CACNB2: variants seen among roughly 807,000 people sequenced by gnomAD.
CACNB2 encodes calcium voltage-gated channel auxiliary subunit beta 2, also known as voltage-dependent L-type calcium channel subunit beta-2.
A neutral mutation model predicts 73.3 loss-of-function variants in CACNB2; 42 were observed. That is an observed-to-expected ratio of 0.57 (90% confidence interval 0.45 to 0.74). CACNB2 has a LOEUF of 0.74. Ranked by LOEUF, CACNB2 falls within the 30% of genes least tolerant of loss-of-function variation. The pLI, the probability that CACNB2 is intolerant of heterozygous loss-of-function variation, is 0.00. For missense variants in CACNB2, 940 were observed against 853.0 expected, an observed-to-expected ratio of 1.10 and a Z score of -1.27; for synonymous variants, 348 against 310.3, an observed-to-expected ratio of 1.12 and a Z score of -1.28.
At chr10:18,292,961 TGTA>T (rs1234484465) in intron 2 of CACNB2, among the ~76,000 whole-genome samples, 1 of 152,154 alleles carries the variant, frequency 6.6e-6, no homozygotes, top group Non-Finnish European at 1.5e-5. Context: ...TTGGCAATAA[TGTA>T]GGAAAAATAA....
chr10:18,417,220 C>G (rs1445660769), intron 3 of CACNB2, among the ~76,000 whole-genome samples: 1 of 151,044 alleles, frequency 6.6e-6, no homozygotes, highest in African/African-American at 2.4e-5. Flanking sequence ...GCTGTTGAGT[C>G]TGGATAGAGT....
At chr10:18,173,182 A>C (rs1588617061) in intron 2 of CACNB2, among the ~76,000 whole-genome samples, 1 of 152,182 alleles carries the variant, frequency 6.6e-6, no homozygotes, top group African/African-American at 2.4e-5. Flanking sequence ...AGCCTGCCAA[A>C]GTGCTGGGAT....
intron 10 of CACNB2, among the ~76,000 whole-genome samples, chr10:18,530,940 C>T (rs4747350): frequency 3.6e-4 from 55 of 152,082 alleles, no homozygotes; most frequent in African/African-American, 1.3e-3. Flanking sequence ...GCAGTGGGAA[C>T]AGAGAGGCAG....
chr10:18,520,204 T>C (rs2051714765), intron 9 of CACNB2: 1 of 154,000 alleles, frequency 6.5e-6, no homozygotes, highest in Admixed American at 6.5e-5. Flanking sequence ...AATGGACTTT[T>C]CAAATGTAAC....
intron 7 of CACNB2, among the ~76,000 whole-genome samples, chr10:18,514,725 T>C (rs1402132123): frequency 6.6e-6 from 1 of 152,236 alleles, no homozygotes; most frequent in Non-Finnish European, 1.5e-5. Flanking sequence ...TTATCCTTTT[T>C]GATGGAATAA....
intron 2 of CACNB2, among the ~76,000 whole-genome samples, chr10:18,278,346 A>T (rs117090315): frequency 6.6e-6 from 1 of 151,974 alleles, no homozygotes; most frequent in Non-Finnish European, 1.5e-5. Context: ...GTGAGTAATA[A>T]GGAACTGGCT....
chr10:18,295,426 G>T (rs1699233462), intron 2 of CACNB2, among the ~76,000 whole-genome samples: 1 of 152,252 alleles, frequency 6.6e-6, no homozygotes, highest in African/African-American at 2.4e-5. Flanking sequence ...AAAAATAATG[G>T]ACTCCACTTA....
chr10:18,526,441 C>T (rs1370932745), intron 9 of CACNB2, among the ~76,000 whole-genome samples: 1 of 152,220 alleles, frequency 6.6e-6, no homozygotes, highest in African/African-American at 2.4e-5. Flanking sequence ...GAACTGTCAC[C>T]TGGCTATTTG....
At chr10:18,369,663 T>G (rs2042496158) in intron 2 of CACNB2, among the ~76,000 whole-genome samples, 2 of 152,126 alleles carry the variant, frequency 1.3e-5, no homozygotes, top group Admixed American at 1.3e-4. Context: ...TCCCAGCACT[T>G]TGGGAGGCCC....
At chr10:18,385,203 A>T (rs1458292836) in intron 2 of CACNB2, among the ~76,000 whole-genome samples, 1 of 151,826 alleles carries the variant, frequency 6.6e-6, no homozygotes, top group East Asian at 1.9e-4. Flanking sequence ...GAATCATTTG[A>T]ACCCGGGAGG....
chr10:18,345,689 A>G (rs2041421346), intron 2 of CACNB2, among the ~76,000 whole-genome samples: 1 of 152,218 alleles, frequency 6.6e-6, no homozygotes, highest in Non-Finnish European at 1.5e-5. Flanking sequence ...TGTCTTTCAT[A>G]TAAATTTATC....
intron 3 of CACNB2, among the ~76,000 whole-genome samples, chr10:18,431,427 A>G (rs1013651902): frequency 6.6e-6 from 1 of 152,056 alleles, no homozygotes; most frequent in Non-Finnish European, 1.5e-5. Context: ...ATAAATATGT[A>G]AAAATCTATT....
chr10:18,271,583 A>G (rs1011654309), intron 2 of CACNB2, among the ~76,000 whole-genome samples: 9 of 152,182 alleles, frequency 5.9e-5, no homozygotes, highest in Non-Finnish European at 1.0e-4. Flanking sequence ...TATCATATAT[A>G]AAACAAGCAG....
At position 18,211,914 on chromosome 10, in the gene CACNB2, G is replaced by A. The variant is rs186771367; in HGVS notation, c.213+60939G>A. Among the ~76,000 whole-genome samples the A allele has an allele frequency of 4.9e-3, 740 of 151,896 alleles. 8 individuals are homozygous for A. The highest frequency in any genetic ancestry group is 7.6e-3 in the Non-Finnish European group (516 of 67,968). On this transcript the variant is annotated intron_variant, in intron 2 of 13. Transcript: ENST00000324631. ...ACAATGACATTATAAATATGCAGGT[G>A]CATTAGTTCTGGTACAAACGTGCAG... is the stretch of plus-strand genomic sequence containing the variant.
intron 2 of CACNB2, among the ~76,000 whole-genome samples, chr10:18,166,522 G>A (rs968844151): frequency 6.6e-6 from 1 of 152,128 alleles, no homozygotes; most frequent in African/African-American, 2.4e-5. Context: ...CACCGCACCT[G>A]GCCAAGTTTT....
intron 2 of CACNB2, among the ~76,000 whole-genome samples, chr10:18,180,717 A>T (rs897837885): frequency 6.6e-6 from 1 of 152,172 alleles, no homozygotes; most frequent in Non-Finnish European, 1.5e-5. Context: ...CTGTAATCCT[A>T]GCACTTTGGG....
chr10:18,258,921 G>A (rs2037403239), intron 2 of CACNB2, among the ~76,000 whole-genome samples: 1 of 150,932 alleles, frequency 6.6e-6, no homozygotes, highest in South Asian at 2.1e-4. Flanking sequence ...TGTACTTCAA[G>A]AGCCAATTTA....
At chr10:18,295,022 C>G (rs2039220864) in intron 2 of CACNB2, among the ~76,000 whole-genome samples, 1 of 152,236 alleles carries the variant, frequency 6.6e-6, no homozygotes, top group African/African-American at 2.4e-5. Flanking sequence ...GCTTCATAAG[C>G]AGCCCTGAAG....
chr10:18,496,866 G>T (rs1270804451), intron 3 of CACNB2, among the ~76,000 whole-genome samples: 2 of 147,478 alleles, frequency 1.4e-5, no homozygotes, highest in African/African-American at 2.5e-5. Flanking sequence ...AGGTTAAAAG[G>T]AATATCACAT....
Sources: allele counts gnomAD v4.1 joint callset (sites outside exome capture counted in the v4.1 genomes callset), GRCh38; gene constraint gnomAD v4.1.1; transcripts MANE v1.5; gene names NCBI Gene and HGNC (gene_info 2026-07-23, HGNC 2026-07-21).